The following CLPB variants were observed in gnomAD, a reference collection of about 807,000 sequenced individuals.
CLPB encodes ClpB family mitochondrial disaggregase.
In CLPB, 40 loss-of-function variants were observed where a neutral mutation model predicts 78.4. That is an observed-to-expected ratio of 0.51 (90% confidence interval 0.40 to 0.66). The LOEUF (loss-of-function observed/expected upper bound fraction) is 0.66. CLPB is among the 30% of genes least tolerant of loss of function. CLPB has a pLI of 0.00. For missense variants in CLPB, 780 were observed against 886.9 expected, an observed-to-expected ratio of 0.88 and a Z score of 1.53; for synonymous variants, 333 against 348.0, an observed-to-expected ratio of 0.96 and a Z score of 0.48.
In CLPB at chr11:72,315,756, A is replaced by G. The variant is rs565940572; in HGVS notation, c.988+1350T>C. 2.0e-5 allele frequency among the ~76,000 whole-genome samples: 3 copies of G among 152,168 alleles called. No homozygotes were observed. The South Asian group carries it at 6.2e-4, about 32-fold the overall frequency. On this transcript the variant is annotated intron_variant, in intron 7 of 15. Coordinates refer to ENST00000538039, the MANE Select transcript of CLPB (RefSeq NM_001258392.3). ...ATCCTCATGGTACCCATGGGGTGCC[A>G]GGCTCCATCCAGCCAGTCCCTACCA...
chr11:72,319,513 GT>G (rs1246240169), intron 6 of CLPB, among the ~76,000 whole-genome samples: 1 of 152,226 alleles, frequency 6.6e-6, no homozygotes, highest in African/African-American at 2.4e-5. Context: ...AGTGAGGCAA[GT>G]TGTGTACAAA....
intron 2 of CLPB, among the ~76,000 whole-genome samples, chr11:72,417,294 T>C (rs550106500): frequency 1.3e-5 from 2 of 152,236 alleles, no homozygotes; most frequent in Non-Finnish European, 2.9e-5. Flanking sequence ...ACAACATAGA[T>C]GAACCTTGAA....
intron 3 of CLPB, among the ~76,000 whole-genome samples, chr11:72,396,314 G>T (rs759055308): frequency 6.6e-6 from 1 of 152,132 alleles, no homozygotes; most frequent in Non-Finnish European, 1.5e-5. Flanking sequence ...CTCTTGTGGG[G>T]AATTTCAAAC....
chr11:72,392,398 C>A (rs938225834), intron 3 of CLPB, among the ~76,000 whole-genome samples: 3 of 152,056 alleles, frequency 2.0e-5, no homozygotes, highest in African/African-American at 7.2e-5. Flanking sequence ...TCAGGAAAGC[C>A]GGGTGGCCCA....
At position 72,390,374 on chromosome 11, in the gene CLPB, G is replaced by T. The variant is rs577777457; in HGVS notation, c.543-9990C>A. On this transcript the variant is annotated intron_variant, in intron 3 of 15. Transcript: ENST00000538039. ...AATCACTTCAACCCAGGAGGCAGAG[G>T]TTGCAGTGAGCCAAGATCACACCAC... 1.6e-4 allele frequency among the ~76,000 whole-genome samples: 24 copies of T among 150,544 alleles called. No homozygotes were observed. The South Asian group carries it at 2.5e-3, about 16-fold the overall frequency.
rs1416440352 is a variant in CLPB, at chr11:72,312,835, A to G, written c.989-4231T>C. Among the ~76,000 whole-genome samples, 1 of 152,224 alleles carries G rather than the reference A, an allele frequency of 6.6e-6. No homozygotes were observed. Among genetic ancestry groups the G allele is most frequent in the Non-Finnish European group, 1.5e-5 (1 of 68,042 alleles). On this transcript the variant is annotated intron_variant, in intron 7 of 15. Transcript: ENST00000538039. The surrounding 1 kb of genome is among the most constrained non-coding windows in gnomAD (Gnocchi z 4.2). The stretch of plus-strand genomic sequence containing the variant: ...GCGTGCCATAGAGGTAAAGGCTGCT[A>G]TGAAAACTGTGGGCTCCAAACGGGA...
rs1590752148 is a variant in CLPB, at chr11:72,294,009, C to T, written c.1785+13G>A. On this transcript the variant is annotated intron_variant, in intron 15 of 15. Transcript: ENST00000538039. ...GTGTGGAGGCGCCTCATTTCTCAGG[C>T]TCCTGTGCTCACCTCATGTTTGATG... 1.9e-6 allele frequency: 3 copies of T among 1,610,898 alleles called. No individual in the cohort carries two copies. The East Asian group carries it at 6.7e-5, about 36-fold the overall frequency.
chr11:72,304,096 G>T (rs1392943451), intron 9 of CLPB: 2 of 152,174 alleles, frequency 1.3e-5, no homozygotes, highest in East Asian at 3.8e-4. Flanking sequence ...AGTGACCTGG[G>T]TTCTCACCCT....
chr11:72,419,673 T>G (rs1856130672), intron 2 of CLPB, among the ~76,000 whole-genome samples: 1 of 152,184 alleles, frequency 6.6e-6, no homozygotes, highest in Non-Finnish European at 1.5e-5. Flanking sequence ...AAATAAAAGT[T>G]CCTTGTGCTA....
chr11:72,423,183 G>A (rs1294864526), intron 2 of CLPB, among the ~76,000 whole-genome samples: 1 of 152,166 alleles, frequency 6.6e-6, no homozygotes, highest in Non-Finnish European at 1.5e-5. Flanking sequence ...GGCATGTATA[G>A]TGGGAAGTCA....
intron 2 of CLPB, among the ~76,000 whole-genome samples, chr11:72,408,666 C>CAAAAAAAAAA (rs576990524): frequency 1.7e-4 from 11 of 64,082 alleles, no homozygotes; most frequent in African/African-American, 1.9e-4. Context: ...GACTCTGTCT[C>CAAAAAAAAAA]AAAAAAAAAA....
chr11:72,383,601 T>C (rs1854987366), intron 3 of CLPB, among the ~76,000 whole-genome samples: 2 of 147,604 alleles, frequency 1.4e-5, no homozygotes, highest in East Asian at 2.0e-4. Context: ...GCAAGTAACA[T>C]ATAAGGGACT....
At chr11:72,324,389 G>A (rs1017019883) in intron 6 of CLPB, among the ~76,000 whole-genome samples, 2 of 152,050 alleles carry the variant, frequency 1.3e-5, no homozygotes, top group Admixed American at 1.3e-4. Context: ...CCAACATGGT[G>A]AAACCCCGTC....
At chr11:72,355,167 GAC>G (rs1475733445) in intron 5 of CLPB, 1 of 152,218 alleles carries the variant, frequency 6.6e-6, no homozygotes, top group Non-Finnish European at 1.5e-5. Flanking sequence ...CCGAAAATGA[GAC>G]GACGTTAAGC....
intron 5 of CLPB, among the ~76,000 whole-genome samples, chr11:72,353,805 G>A (rs1174136187): frequency 6.6e-6 from 1 of 152,312 alleles, no homozygotes; most frequent in East Asian, 1.9e-4. Flanking sequence ...AACAAACTGC[G>A]AGAATAAAGG....
chr11:72,341,654 TG>T lies in CLPB; in HGVS notation c.776-11851del, dbSNP rs1276093354. ...CTATGCTAGGTAGTGAACAGTTCAGTGGGCCATAGGCAGAGACAGTTCCTGT... is the reference window on the plus strand; with the variant it reads ...CTATGCTAGGTAGTGAACAGTTCAGTGGCCATAGGCAGAGACAGTTCCTGT... On this transcript the variant is annotated intron_variant, in intron 5 of 15. Coordinates refer to ENST00000538039, the MANE Select transcript of CLPB (RefSeq NM_001258392.3). Among the ~76,000 whole-genome samples the T allele has an allele frequency of 2.0e-5, 3 of 152,168 alleles. No homozygotes were observed. In the East Asian group the frequency reaches 5.8e-4, roughly 29 times the overall value.
chr11:72,309,764 A>T (rs1311482066), intron 7 of CLPB, among the ~76,000 whole-genome samples: 2 of 152,244 alleles, frequency 1.3e-5, no homozygotes, highest in Admixed American at 6.5e-5. Flanking sequence ...GTACTGTGTA[A>T]TGTCAAGGTC....
In CLPB at chr11:72,324,131, GA is replaced by G. The variant is rs1430018794; in HGVS notation, c.873+5575del. On this transcript the variant is annotated intron_variant, in intron 6 of 15. Transcript: ENST00000538039. ...TGCCTACCCTTGGGGGATGAGTCTG[GA>G]AGGGAGTCTGAGGCAGGCTTTTGGG... is the stretch of plus-strand genomic sequence containing the variant. Among the ~76,000 whole-genome samples the G allele has an allele frequency of 2.0e-5, 3 of 152,216 alleles. No individual in the cohort carries two copies. In the East Asian group the frequency reaches 5.8e-4, roughly 29 times the overall value.
intron 3 of CLPB, among the ~76,000 whole-genome samples, chr11:72,399,109 T>A (rs1855492189): frequency 6.6e-6 from 1 of 151,034 alleles, no homozygotes; most frequent in South Asian, 2.1e-4. Context: ...TATAACTCTC[T>A]GTATCCCTTT....
Sources: gnomAD v4.1 joint callset for allele counts (sites outside exome capture counted in the v4.1 genomes callset) on GRCh38, gnomAD v4.1.1 for gene constraint, Gnocchi (gnomAD v3.1) non-coding constraint, MANE v1.5 for transcripts, NCBI Gene and HGNC (gene_info 2026-07-23, HGNC 2026-07-21) for gene names.